The following CHD6 variants were observed in gnomAD, a reference collection of about 807,000 sequenced individuals.
CHD6 encodes chromodomain helicase DNA binding protein 6, also known as ATP-dependent chromatin remodeler CHD6.
In CHD6, 50 loss-of-function variants were observed where a neutral mutation model predicts 276.9. The observed-to-expected ratio is 0.18, with a 90% CI of 0.14 to 0.23. The LOEUF (loss-of-function observed/expected upper bound fraction) is 0.23. Ranked by LOEUF, CHD6 falls within the 10% of genes least tolerant of loss-of-function variation. CHD6 has a pLI of 1.00. For missense variants in CHD6, 2,564 were observed against 3,365.8 expected (o/e 0.76, Z 5.89); for synonymous variants, 1,173 against 1,229.3 (o/e 0.95, Z 0.96).
Position 41,403,969 on chromosome 20 carries a change from A to C in CHD6, c.*624T>G. On this transcript the variant is annotated 3_prime_UTR_variant, in exon 37 of 37. Coordinates refer to ENST00000373233, the MANE Select transcript of CHD6 (RefSeq NM_032221.5). ...TTCTTCTTGCTGCAGGTGTCTGAAA[A>C]ACCACCAAGGGGGAAATTATATTAC... 1 of 1,054,400 alleles carries C rather than the reference A, an allele frequency of 9.5e-7. No homozygotes were observed. Among genetic ancestry groups the C allele is most frequent in the Non-Finnish European group, 1.1e-6 (1 of 872,500 alleles). The allele number at this position is 1,054,400 out of a possible 1,614,324, so 65.3% of individuals were successfully genotyped here.
intron 1 of CHD6, among the ~76,000 whole-genome samples, chr20:41,555,229 G>C (rs1184039814): frequency 1.5e-5 from 2 of 132,880 alleles, no homozygotes; most frequent in East Asian, 3.1e-4. Context: ...CTGGCCGGGT[G>C]GGGGGCTGAC....
intron 25 of CHD6, 72 bp downstream of exon 25, chr20:41,445,593 G>A: frequency 1.1e-6 from 1 of 924,834 alleles, no homozygotes; most frequent in Non-Finnish European, 1.8e-6. Context: ...GCCGAGCTTA[G>A]TTGGAGGGGC....
intron 31 of CHD6, among the ~76,000 whole-genome samples, chr20:41,420,178 T>C (rs1351636166): frequency 1.3e-5 from 2 of 152,246 alleles, no homozygotes; most frequent in Non-Finnish European, 2.9e-5. Flanking sequence ...TTTAGCCAGT[T>C]TGAAGCACCT....
At chr20:41,585,511 CAAAAAAA>C (rs60920576) in intron 1 of CHD6, among the ~76,000 whole-genome samples, 4 of 74,232 alleles carry the variant, frequency 5.4e-5, no homozygotes, top group Admixed American at 3.0e-4. Context: ...TCCGTCTCAC[CAAAAAAA>C]AAAAAAAAAA....
In CHD6 at chr20:41,421,997, C is replaced by T; in HGVS notation, c.4638G>A (p.Arg1546=). ...ACTTGAGCACTTGCTCTCGGACTTT[C>T]CGTAACAGTTCAATGCGGTACAGAG... ...ARTLYRIELL[R]KVREQVLKCP... The change falls in exon 31 of 37, where the codon CGG becomes CGA. Residue 1546 remains arginine, a synonymous_variant. Transcript: ENST00000373233. 6.2e-7 allele frequency: 1 copy of T among 1,614,214 alleles called. No individual in the cohort carries two copies.
At chr20:41,464,306 A>G (rs1409382346) in intron 17 of CHD6, among the ~76,000 whole-genome samples, 1 of 152,224 alleles carries the variant, frequency 6.6e-6, no homozygotes, top group Non-Finnish European at 1.5e-5. Flanking sequence ...CGTGAAGAAA[A>G]TAACTAAACT....
chr20:41,560,806 G>T (rs562788416), intron 1 of CHD6, among the ~76,000 whole-genome samples: 3 of 148,218 alleles, frequency 2.0e-5, no homozygotes, highest in African/African-American at 7.4e-5. Flanking sequence ...CTTAGCTTAA[G>T]AATTCAATAG....
intron 17 of CHD6, among the ~76,000 whole-genome samples, chr20:41,469,285 C>G (rs2043001013): frequency 6.6e-6 from 1 of 151,898 alleles, no homozygotes; most frequent in Non-Finnish European, 1.5e-5. Flanking sequence ...AGGAAGGACG[C>G]AGAACTGTGC....
Position 41,473,595 on chromosome 20 carries a change from G to C in CHD6, c.2469-78C>G. 1 of 1,185,938 alleles carries C rather than the reference G, an allele frequency of 8.4e-7. No individual in the cohort carries two copies. 73.5% of individuals were successfully genotyped at this position (1,185,938 alleles called of 1,614,324 possible). A position where few individuals can be genotyped will look rare whatever the true frequency, so the allele number is the denominator to read the frequency against. On this transcript the variant is annotated intron_variant, in intron 16 of 36. Coordinates refer to ENST00000373233, the MANE Select transcript of CHD6 (RefSeq NM_032221.5). The surrounding 1 kb of genome is among the most constrained non-coding windows in gnomAD (Gnocchi z 4.1). ...AGAACAGCACAAAATGCAGGAAGCT[G>C]TCGACTGATGGCCTTAAATCCCTCA... is the stretch of plus-strand genomic sequence containing the variant.
intron 2 of CHD6, among the ~76,000 whole-genome samples, chr20:41,541,878 AG>A (rs1480039918): frequency 6.6e-6 from 1 of 152,204 alleles, no homozygotes; most frequent in African/African-American, 2.4e-5. Flanking sequence ...AGACGGGGAC[AG>A]GAGATACTTT....
At chr20:41,605,378 A>G (rs1378601949) in intron 1 of CHD6, among the ~76,000 whole-genome samples, 1 of 152,196 alleles carries the variant, frequency 6.6e-6, no homozygotes, top group Non-Finnish European at 1.5e-5. Flanking sequence ...TTGACTCAAA[A>G]ATGCCTCAAA....
At chr20:41,538,342 C>T (rs1281097079) in intron 2 of CHD6, among the ~76,000 whole-genome samples, 1 of 151,794 alleles carries the variant, frequency 6.6e-6, no homozygotes, top group Non-Finnish European at 1.5e-5. Context: ...CAAAGTGAGA[C>T]TCTGTCTCAA....
At position 41,488,579 on chromosome 20, in the gene CHD6, T is replaced by C; in HGVS notation, c.1706A>G (p.Lys569Arg). 6.2e-7 allele frequency: 1 copy of C among 1,613,646 alleles called. No individual in the cohort carries two copies. Among genetic ancestry groups the C allele is most frequent in the Non-Finnish European group, 8.5e-7 (1 of 1,179,780 alleles). ...AQGNPLSGVF[K>R]FHVVITTFEM... ...AAATGTTGTGATGACGACGTGGAACTTGAAGACTCCTGAAAGGGGGTTTCC... is the reference window on the plus strand; with the variant it reads ...AAATGTTGTGATGACGACGTGGAACCTGAAGACTCCTGAAAGGGGGTTTCC... The change falls in exon 13 of 37, where the codon AAG becomes AGG. Residue 569 changes from lysine (K) to arginine (R), a missense_variant. Around this residue, in one of 7 missense-constraint regions of CHD6, gnomAD observed 457 missense variants for 889.0 expected, o/e 0.51. Transcript: ENST00000373233.
chr20:41,477,918 C>T (rs907069766), intron 16 of CHD6, among the ~76,000 whole-genome samples: 2 of 152,202 alleles, frequency 1.3e-5, no homozygotes, highest in Non-Finnish European at 2.9e-5. Flanking sequence ...TCTTGATCCT[C>T]TCTACTCTAG....
At chr20:41,414,403 T>A (rs2145415974) in intron 34 of CHD6, 1 of 154,964 alleles carries the variant, frequency 6.5e-6, no homozygotes, top group South Asian at 2.1e-4. Context: ...ACAAACAAGA[T>A]AATCATGTAA....
chr20:41,451,935 C>A lies in CHD6; in HGVS notation c.3414G>T (p.Leu1138=). 1.9e-6 allele frequency: 3 copies of A among 1,614,016 alleles called. No homozygotes were observed. The highest frequency in any genetic ancestry group is 2.5e-6 in the Non-Finnish European group (3 of 1,179,936). ...CCTTATAATGCTTGACACAGTACACCAGGAGGGCACGGCAAATCATCTCCA... is the reference window on the plus strand; with the variant it reads ...CCTTATAATGCTTGACACAGTACACAAGGAGGGCACGGCAAATCATCTCCA... ...KDMEMICRAL[L]VYCVKHYKGD... Residue 1138 remains leucine, a synonymous_variant, in exon 22 of 37, where the codon CTG becomes CTT. Transcript: ENST00000373233.
At chr20:41,484,980 GTATGAGTGA>G (rs1457770092) in intron 14 of CHD6, among the ~76,000 whole-genome samples, 1 of 152,140 alleles carries the variant, frequency 6.6e-6, no homozygotes, top group African/African-American at 2.4e-5. Context: ...ATGTTCGGAG[GTATGAGTGA>G]TATATTACAA....
chr20:41,543,044 C>T (rs1220763222), intron 2 of CHD6, among the ~76,000 whole-genome samples: 1 of 146,524 alleles, frequency 6.8e-6, no homozygotes, highest in Middle Eastern at 3.7e-3. Flanking sequence ...GTGGAGATTG[C>T]GGTGAGCCAA....
At chr20:41,458,528 T>C (rs1349029163) in intron 17 of CHD6, among the ~76,000 whole-genome samples, 1 of 152,174 alleles carries the variant, frequency 6.6e-6, no homozygotes, top group East Asian at 1.9e-4. Flanking sequence ...AGTATTTGAA[T>C]GGACTGAAGG....
Sources: gnomAD v4.1 joint callset for allele counts (sites outside exome capture counted in the v4.1 genomes callset) on GRCh38, gnomAD v4.1.1 for gene constraint, gnomAD v4.1.1 regional missense constraint, Gnocchi (gnomAD v3.1) non-coding constraint, MANE v1.5 for transcripts, NCBI Gene and HGNC (gene_info 2026-07-23, HGNC 2026-07-21) for gene names.